NOP9: variants seen among roughly 807,000 people sequenced by gnomAD.
NOP9 encodes nucleolar protein 9.
A neutral mutation model predicts 63.0 loss-of-function variants in NOP9; 50 were observed. The ratio of observed to expected loss-of-function variants is 0.79; its 90% confidence interval spans 0.63 to 1.00. The LOEUF (loss-of-function observed/expected upper bound fraction) is 1.00, where lower values mean the gene tolerates loss of function less well. Among genes scored for constraint, NOP9 ranks in the 50% least tolerant of loss-of-function variants. The probability of loss-of-function intolerance (pLI) is 0.00; values close to 1 mark genes in which losing one functional copy is unlikely to be tolerated. For missense variants in NOP9, 758 were observed against 803.0 expected (o/e 0.94, Z 0.68); for synonymous variants, 343 against 332.8 (o/e 1.03, Z -0.33).
chr14:24,291,804 C>A, the NOP9 span: 1 of 658,038 alleles, frequency 1.5e-6, no homozygotes, highest in East Asian at 2.7e-5. Context: ...CTCCCCACAT[C>A]CAGGTGAGCC....
Position 24,301,593 on chromosome 14 carries a change from G to A in NOP9, c.698-19G>A. ...AGTTTGTGATCTCCCCACTGCACATGTTCTTAATCTTCCTTCAGAAGCACA... is the reference window on the plus strand; with the variant it reads ...AGTTTGTGATCTCCCCACTGCACATATTCTTAATCTTCCTTCAGAAGCACA... On this transcript the variant is annotated intron_variant, in intron 2 of 9. Coordinates refer to ENST00000267425, the MANE Select transcript of NOP9 (RefSeq NM_174913.3). 1 of 1,614,008 alleles carries A rather than the reference G, an allele frequency of 6.2e-7. No homozygotes were observed.
chr14:24,296,091 T>C (rs1364725563), upstream of NOP9, among the ~76,000 whole-genome samples: 1 of 151,948 alleles, frequency 6.6e-6, no homozygotes, highest in Non-Finnish European at 1.5e-5. Context: ...GGGTGTGGAG[T>C]GAGGATGTGG....
At position 24,307,808 on chromosome 14, in the gene NOP9, T is replaced by A; in HGVS notation, c.*2713T>A. The A allele has an allele frequency of 6.3e-7, 1 of 1,592,376 alleles. No individual in the cohort carries two copies. The highest frequency in any genetic ancestry group is 8.6e-7 in the Non-Finnish European group (1 of 1,168,778). ...AAAGGTGGAGGGTAGAGCGGAGGGT[T>A]AGCAGTCACCTGAGTAAGTCACTGG... On this transcript the variant is annotated 3_prime_UTR_variant, in exon 10 of 10. Coordinates refer to ENST00000267425, the MANE Select transcript of NOP9 (RefSeq NM_174913.3).
chr14:24,304,180 T>C lies in NOP9; in HGVS notation c.1550T>C (p.Leu517Pro). The change falls in exon 8 of 10, where the codon CTT (leucine) becomes CCT (proline). Residue 517 changes from leucine (L) to proline (P), a missense_variant. By Grantham distance (98) the Leu-to-Pro change is moderately conservative. Transcript: ENST00000267425. ...GALTGPQLLS[L>P]AQSPAGSHVL... The stretch of plus-strand genomic sequence containing the variant: ...TTGACGGGACCACAGCTTCTGTCCC[T>C]TGCCCAAAGTCCCGCTGGCTCTCAT... 6.2e-7 allele frequency: 1 copy of C among 1,614,234 alleles called. No individual in the cohort carries two copies. Among genetic ancestry groups the C allele is most frequent in the Non-Finnish European group, 8.5e-7 (1 of 1,180,036 alleles).
At position 24,300,101 on chromosome 14, in the gene NOP9, G is replaced by A; in HGVS notation, c.147G>A (p.Pro49=). The change falls in exon 1 of 10, where the codon CCG becomes CCA. Residue 49 remains proline (P), a synonymous_variant. Coordinates refer to ENST00000267425, the MANE Select transcript of NOP9 (RefSeq NM_174913.3). ...PWPPPDGRSE[P]APDSHPHLSP... ...CGCCTCCGGATGGGCGCTCGGAGCC[G>A]GCTCCAGATTCGCACCCGCACCTGA... 1 of 1,613,458 alleles carries A rather than the reference G, an allele frequency of 6.2e-7. No homozygotes were observed. Among genetic ancestry groups the A allele is most frequent in the Non-Finnish European group, 8.5e-7 (1 of 1,179,884 alleles).
chr14:24,280,285 C>T, the NOP9 span, among the ~76,000 whole-genome samples: 2 of 152,180 alleles, frequency 1.3e-5, no homozygotes. Context: ...TGGGTGAGCA[C>T]CTGATGGGGA....
In NOP9 at chr14:24,307,486, C is replaced by G. The variant is rs754552658; in HGVS notation, c.*2391C>G. On this transcript the variant is annotated 3_prime_UTR_variant, in exon 10 of 10. Transcript: ENST00000267425. ...TGGAGCTGAGGTCCAGACCCTCCGTCCAAACTCCGAGCTTATATTAGATAC... is the reference window on the plus strand; with the variant it reads ...TGGAGCTGAGGTCCAGACCCTCCGTGCAAACTCCGAGCTTATATTAGATAC... 2 of 1,613,918 alleles carry G rather than the reference C, an allele frequency of 1.2e-6. No individual in the cohort carries two copies. Among genetic ancestry groups the G allele is most frequent in the African/African-American group, 2.7e-5 (2 of 74,992 alleles).
At chr14:24,292,186 G>C in the NOP9 span, 9 of 1,613,950 alleles carry the variant, frequency 5.6e-6, no homozygotes, top group Non-Finnish European at 7.6e-6. Context: ...TTGCCAACCT[G>C]CTTCAACACA....
rs1358489785 is a variant in NOP9 at position 24,303,734 on chromosome 14, A to G, written c.1287A>G (p.Ala429=). Residue 429 remains alanine, a splice_region_variant and synonymous_variant, in exon 7 of 10, where the codon GCA becomes GCG. Transcript: ENST00000267425. ...TCATATTCTGTCTTCTCCTTTAGGC[A>G]TTCCACTGTGCAGAGCCCTCATCCC... ...QAKVLQLLLE[A]FHCAEPSSRQ... is the part of the protein sequence containing the mutation. The G allele has an allele frequency of 6.2e-7, 1 of 1,613,882 alleles. No homozygotes were observed.
the NOP9 span, chr14:24,292,284 C>T: frequency 1.6e-5 from 26 of 1,614,040 alleles, no homozygotes; most frequent in African/African-American, 4.0e-5. Context: ...ACAGCTGACC[C>T]CATGGCGCCG....
At chr14:24,301,815 C>T in intron 3 of NOP9, 93 bp downstream of exon 3, 2 of 1,500,126 alleles carry the variant, frequency 1.3e-6, no homozygotes, top group Non-Finnish European at 1.9e-6. Context: ...TATTCCTCTT[C>T]TTTTCAAACC....
rs750670721 is a variant in NOP9 at position 24,299,966 on chromosome 14, T to G, written c.12T>G (p.Gly4=). 3 of 1,570,700 alleles carry G rather than the reference T, an allele frequency of 1.9e-6. No individual in the cohort carries two copies. Among genetic ancestry groups the G allele is most frequent in the Non-Finnish European group, 1.7e-6 (2 of 1,158,528 alleles). The part of the protein sequence containing the change: MGQ[G]PRSPHKVGRR... ...GTCGCGAAGCACACATGGGGCAGGG[T>G]CCGCGCTCTCCACACAAGGTGGGGC... Residue 4 remains glycine, a synonymous_variant, in exon 1 of 10, where the codon GGT becomes GGG. Transcript: ENST00000267425.
upstream of NOP9, chr14:24,298,926 C>T (rs2041312990): frequency 2.5e-6 from 4 of 1,583,420 alleles, no homozygotes; most frequent in South Asian, 2.2e-5. Context: ...CGGGTGGTTT[C>T]TGCAACTGTG....
At chr14:24,273,914 C>T in the NOP9 span, among the ~76,000 whole-genome samples, 1 of 152,202 alleles carries the variant, frequency 6.6e-6, no homozygotes, top group African/African-American at 2.4e-5. Flanking sequence ...TATCTAGCTG[C>T]TGCAGTTGAA....
At chr14:24,286,809 G>T in the NOP9 span, among the ~76,000 whole-genome samples, 4 of 151,838 alleles carry the variant, frequency 2.6e-5, no homozygotes, top group African/African-American at 7.3e-5. Flanking sequence ...AGCCAGGATG[G>T]TCTCGATCTC....
the NOP9 span, among the ~76,000 whole-genome samples, chr14:24,280,248 C>G: frequency 1.3e-5 from 2 of 152,212 alleles, no homozygotes; most frequent in East Asian, 3.8e-4. Flanking sequence ...GTCAACTGCT[C>G]TGCCTTTATG....
In NOP9 at chr14:24,303,067, C is replaced by T. The variant is rs2041404731; in HGVS notation, c.1144-7C>T. 6.6e-7 allele frequency: 1 copy of T among 1,510,734 alleles called. No homozygotes were observed. Among genetic ancestry groups the T allele is most frequent in the African/African-American group, 1.4e-5 (1 of 70,004 alleles). 93.6% of individuals were successfully genotyped at this position (1,510,734 alleles called of 1,614,324 possible). On this transcript the variant is annotated splice_polypyrimidine_tract_variant and splice_region_variant and intron_variant, in intron 5 of 9. Transcript: ENST00000267425. ...ATGCCAGAGTTACATTCCATGTTTC[C>T]CATCAGCTGTCCCCTGTGTTTGAGG...
In NOP9 at chr14:24,304,165, C is replaced by A. The variant is rs1446311367; in HGVS notation, c.1535C>A (p.Pro512Gln). 1.2e-6 allele frequency: 2 copies of A among 1,614,224 alleles called. No homozygotes were observed. The highest frequency in any genetic ancestry group is 1.7e-6 in the Non-Finnish European group (2 of 1,180,034). The change falls in exon 8 of 10, where the codon CCA becomes CAA. Residue 512 changes from proline to glutamine, a missense_variant. Physicochemically the swap from Pro to Gln is moderately conservative, Grantham distance 76. Transcript: ENST00000267425. The part of the protein sequence containing the change: ...VLRSLGALTG[P>Q]QLLSLAQSPA... ...CGAAGTCTGGGTGCCTTGACGGGAC[C>A]ACAGCTTCTGTCCCTTGCCCAAAGT...
rs1208268271 is a variant in NOP9, at chr14:24,306,118, C to T, written c.*1023C>T. 6.2e-7 allele frequency: 1 copy of T among 1,613,834 alleles called. No homozygotes were observed. ...GTGCTTGGGCCTCTCCCGTCCCAGGCCATATGACAGCACTCCACTCTGTAG... is the reference window on the plus strand; with the variant it reads ...GTGCTTGGGCCTCTCCCGTCCCAGGTCATATGACAGCACTCCACTCTGTAG... On this transcript the variant is annotated 3_prime_UTR_variant, in exon 10 of 10. Coordinates refer to ENST00000267425, the MANE Select transcript of NOP9 (RefSeq NM_174913.3).
Sources: gnomAD v4.1 joint callset for allele counts (sites outside exome capture counted in the v4.1 genomes callset) on GRCh38, gnomAD v4.1.1 for gene constraint, MANE v1.5 for transcripts, NCBI Gene and HGNC (gene_info 2026-07-23, HGNC 2026-07-21) for gene names.